Variants in SPIRE1 observed in about 807,000 individuals in gnomAD.
The protein encoded by SPIRE1 is protein spire homolog 1.
Under a neutral mutation model 94.1 loss-of-function variants are expected in SPIRE1, and 40 were observed. The ratio of observed to expected loss-of-function variants is 0.43; its 90% CI spans 0.33 to 0.55. The LOEUF (loss-of-function observed/expected upper bound fraction) is 0.55, where lower values mean the gene tolerates loss of function less well. SPIRE1 is among the 20% of genes least tolerant of loss of function. SPIRE1 has a pLI of 0.06. For missense variants in SPIRE1, 838 were observed against 975.2 expected (o/e 0.86, Z 1.87); for synonymous variants, 376 against 371.7 (o/e 1.01, Z -0.13).
intron 2 of SPIRE1, among the ~76,000 whole-genome samples, chr18:12,615,345 A>AAAAAAATAAAAAAAAAAAT: frequency 2.9e-4 from 5 of 17,242 alleles, no homozygotes; most frequent in Non-Finnish European, 9.3e-4. Flanking sequence ...AAAAAAAAAA[A>AAAAAAATAAAAAAAAAAAT]ATATATATAT....
In SPIRE1 at chr18:12,449,682, G is replaced by A; in HGVS notation, c.2227C>T (p.Pro743Ser). 1 of 1,614,138 alleles carries A rather than the reference G, an allele frequency of 6.2e-7. No individual in the cohort carries two copies. The highest frequency in any genetic ancestry group is 8.5e-7 in the Non-Finnish European group (1 of 1,180,024). ...CTCTCTGAAGGGCAGTACTCCGAGG[G>A]GCCTGGCGAGGACATGTAGAAAGAC... ...TQSFYMSSPGPSEYCPSERTI... is the reference protein window; with the variant it reads ...TQSFYMSSPGSSEYCPSERTI... Residue 743 changes from proline to serine, a missense_variant, in exon 17 of 17, where the codon CCC becomes TCC. By Grantham distance (74) the Pro-to-Ser change is moderately conservative. Transcript: ENST00000409402.
chr18:12,512,068 T>A (rs1165139635), intron 5 of SPIRE1, among the ~76,000 whole-genome samples: 1 of 152,066 alleles, frequency 6.6e-6, no homozygotes, highest in Non-Finnish European at 1.5e-5. Context: ...CTAGCATTTT[T>A]AAAAATATTA....
At chr18:12,502,481 T>G (rs911136052) in intron 6 of SPIRE1, among the ~76,000 whole-genome samples, 2 of 152,128 alleles carry the variant, frequency 1.3e-5, no homozygotes, top group African/African-American at 4.8e-5. Flanking sequence ...AAGTACACAT[T>G]TTTGAGAAAG....
chr18:12,636,404 T>A (rs2037929047), intron 1 of SPIRE1: 1 of 152,124 alleles, frequency 6.6e-6, no homozygotes, highest in Non-Finnish European at 1.5e-5. Flanking sequence ...TGCCTCAGAC[T>A]GTATTATGAC....
intron 2 of SPIRE1, among the ~76,000 whole-genome samples, chr18:12,609,962 T>C (rs184244379): frequency 6.6e-6 from 1 of 152,232 alleles, no homozygotes; most frequent in East Asian, 1.9e-4. Context: ...AGGATCAATG[T>C]TGGTCCTCAT....
intron 2 of SPIRE1, among the ~76,000 whole-genome samples, chr18:12,613,589 A>G (rs1303841457): frequency 6.6e-6 from 1 of 152,240 alleles, no homozygotes; most frequent in Non-Finnish European, 1.5e-5. Flanking sequence ...AAAAGAAAAT[A>G]AAATAGCTCA....
chr18:12,535,159 C>T lies in SPIRE1; in HGVS notation c.729+317G>A, dbSNP rs9963394. Among the ~76,000 whole-genome samples, 498 of 152,202 alleles carry T rather than the reference C, an allele frequency of 3.3e-3. 2 individuals carry two copies. Among genetic ancestry groups the T allele is most frequent in the African/African-American group, 0.011 (472 of 41,556 alleles). On this transcript the variant is annotated intron_variant, in intron 4 of 16. Transcript: ENST00000409402. ...TTTCAGAATGGACAGAAGAGAAGAGCGACAGAAAGGGGGTGGAAAGCAAGT... is the reference window on the plus strand; with the variant it reads ...TTTCAGAATGGACAGAAGAGAAGAGTGACAGAAAGGGGGTGGAAAGCAAGT...
chr18:12,608,894 T>G (rs1010945030), intron 2 of SPIRE1, among the ~76,000 whole-genome samples: 2 of 152,142 alleles, frequency 1.3e-5, no homozygotes. Context: ...GGATTACTAG[T>G]AGAACTCCAA....
chr18:12,660,974 AACTT>A (rs199893903), upstream of SPIRE1, among the ~76,000 whole-genome samples: 1,167 of 152,342 alleles, frequency 7.7e-3, 20 homozygotes, highest in African/African-American at 0.026. Flanking sequence ...TAAAGACTAT[AACTT>A]ACTAACTTCT....
chr18:12,608,681 T>C (rs1262239797), intron 2 of SPIRE1, among the ~76,000 whole-genome samples: 5 of 152,242 alleles, frequency 3.3e-5, no homozygotes, highest in Non-Finnish European at 7.3e-5. Context: ...TATTATCCTC[T>C]GGTAACTGAG....
At chr18:12,607,596 TACAC>T (rs34187168) in intron 2 of SPIRE1, among the ~76,000 whole-genome samples, 22,199 of 146,096 alleles carry the variant, frequency 0.15, 2,142 homozygotes, top group East Asian at 0.53. Flanking sequence ...TCCACAGCAC[TACAC>T]ACACACACAC....
chr18:12,513,965 T>C (rs1422764297), intron 4 of SPIRE1, among the ~76,000 whole-genome samples: 1 of 152,174 alleles, frequency 6.6e-6, no homozygotes, highest in African/African-American at 2.4e-5. Flanking sequence ...CAGCTTAGCC[T>C]CCCAAGTAAC....
chr18:12,478,463 G>A (rs1444740304), intron 10 of SPIRE1, among the ~76,000 whole-genome samples: 1 of 151,628 alleles, frequency 6.6e-6, no homozygotes, highest in Non-Finnish European at 1.5e-5. Context: ...GGGTGTGTGT[G>A]TGCACGCACA....
intron 1 of SPIRE1, among the ~76,000 whole-genome samples, chr18:12,652,505 T>C (rs914026856): frequency 6.6e-6 from 1 of 152,228 alleles, no homozygotes; most frequent in Non-Finnish European, 1.5e-5. Flanking sequence ...TTCTTAACCA[T>C]ACTGCTCATT....
In SPIRE1 at chr18:12,481,311, A is replaced by C. The variant is rs563803760; in HGVS notation, c.1232-1440T>G. 2.9e-5 allele frequency among the ~76,000 whole-genome samples: 4 copies of C among 135,910 alleles called. No homozygotes were observed. The East Asian group carries it at 1.0e-3, about 35-fold the overall frequency. The allele number at this position is 135,910 out of a possible 152,430, so 89.2% of individuals were successfully genotyped here. A position where few individuals can be genotyped will look rare whatever the true frequency, so the allele number is the denominator to read the frequency against. On this transcript the variant is annotated intron_variant, in intron 9 of 16. Transcript: ENST00000409402. ...CCCGCAAGAATGTGCTGTTTACAGTAGGATATTCCCCCCTAGCAAGTAATA... is the reference window on the plus strand; with the variant it reads ...CCCGCAAGAATGTGCTGTTTACAGTCGGATATTCCCCCCTAGCAAGTAATA...
At chr18:12,660,083 AC>A (rs1397067958), upstream of SPIRE1, among the ~76,000 whole-genome samples, 1 of 152,186 alleles carries the variant, frequency 6.6e-6, no homozygotes, top group Admixed American at 6.5e-5. Flanking sequence ...CACTTGGACA[AC>A]TACAGCCAAA....
At chr18:12,570,235 T>G (rs1011567590) in intron 2 of SPIRE1, among the ~76,000 whole-genome samples, 6 of 152,370 alleles carry the variant, frequency 3.9e-5, no homozygotes, top group African/African-American at 1.4e-4. Flanking sequence ...TTTGCTAGAA[T>G]GCAGCGCTTT....
At chr18:12,569,651 A>C (rs1039389026) in intron 2 of SPIRE1, among the ~76,000 whole-genome samples, 19 of 151,292 alleles carry the variant, frequency 1.3e-4, no homozygotes, top group African/African-American at 4.1e-4. Flanking sequence ...AAAAAAAACA[A>C]GAGAAAAGAC....
At chr18:12,651,378 G>T (rs1239937562) in intron 1 of SPIRE1, among the ~76,000 whole-genome samples, 4 of 151,638 alleles carry the variant, frequency 2.6e-5, no homozygotes, top group African/African-American at 9.7e-5. Flanking sequence ...CAAAAAAAAT[G>T]TTTTTAAACA....
Sources: gnomAD v4.1 joint callset for allele counts (sites outside exome capture counted in the v4.1 genomes callset) on GRCh38, gnomAD v4.1.1 for gene constraint, MANE v1.5 for transcripts, NCBI Gene and HGNC (gene_info 2026-07-23, HGNC 2026-07-21) for gene names.